Variants in GALNT11 observed in about 807,000 individuals in gnomAD.
GALNT11 encodes the protein UDP-GalNAc:polypeptide N-acetylgalactosaminyltransferase 11.
A neutral mutation model predicts 72.7 loss-of-function variants in GALNT11; 47 were observed. That is an observed-to-expected ratio of 0.65 (90% confidence interval 0.51 to 0.82). GALNT11 has a LOEUF of 0.82. Among genes scored for constraint, GALNT11 ranks in the 40% least tolerant of loss-of-function variants. The pLI is 0.00. For synonymous variants in GALNT11, 270 were observed against 286.6 expected (o/e 0.94, Z 0.58); for missense variants, 677 against 778.4 (o/e 0.87, Z 1.55).
rs373231104 is a variant in GALNT11, at chr7:152,092,199, G to A, written c.-38-1991G>A. ...TACTTGCTCTTTGTCTACCCTAAGCGAACATTTTAGGGAGTTATAATGTCT... is the reference window on the plus strand; with the variant it reads ...TACTTGCTCTTTGTCTACCCTAAGCAAACATTTTAGGGAGTTATAATGTCT... On this transcript the variant is annotated intron_variant, in intron 1 of 11. Coordinates refer to ENST00000430044, the MANE Select transcript of GALNT11 (RefSeq NM_022087.4). Among the ~76,000 whole-genome samples the A allele has an allele frequency of 3.9e-5, 6 of 152,260 alleles. No homozygotes were observed. The East Asian group carries it at 1.2e-3, about 29-fold the overall frequency.
intron 1 of GALNT11, among the ~76,000 whole-genome samples, chr7:152,041,652 C>T (rs1348302051): frequency 1.3e-5 from 2 of 152,204 alleles, no homozygotes; most frequent in African/African-American, 2.4e-5. Flanking sequence ...GCTTTTCAAT[C>T]AGCTGTAACT....
chr7:152,067,330 C>T (rs1219097689), intron 1 of GALNT11, among the ~76,000 whole-genome samples: 1 of 152,166 alleles, frequency 6.6e-6, no homozygotes, highest in Non-Finnish European at 1.5e-5. Flanking sequence ...GGAAGAAAGT[C>T]CATGTGCACA....
At chr7:152,056,270 G>A (rs1256614347) in intron 1 of GALNT11, among the ~76,000 whole-genome samples, 2 of 152,196 alleles carry the variant, frequency 1.3e-5, no homozygotes, top group Non-Finnish European at 2.9e-5. Flanking sequence ...TGTTTTTGAG[G>A]ACTGTTCTGT....
At chr7:152,097,290 AAT>A (rs2086451931) in intron 2 of GALNT11, among the ~76,000 whole-genome samples, 1 of 152,268 alleles carries the variant, frequency 6.6e-6, no homozygotes, top group African/African-American at 2.4e-5. Flanking sequence ...AAATCAAAAC[AAT>A]GAGATAGCCA....
intron 1 of GALNT11, among the ~76,000 whole-genome samples, chr7:152,084,840 T>G (rs2085543860): frequency 6.6e-6 from 1 of 152,194 alleles, no homozygotes; most frequent in Non-Finnish European, 1.5e-5. Flanking sequence ...CTCAGGGGGC[T>G]TGTTTATGGT....
intron 1 of GALNT11, among the ~76,000 whole-genome samples, chr7:152,038,553 G>A (rs542297194): frequency 2.0e-5 from 3 of 152,358 alleles, no homozygotes; most frequent in East Asian, 3.9e-4. Flanking sequence ...GTGCTGCAGA[G>A]ATTTTGTTTA....
At chr7:152,031,245 C>T (rs973817041) in intron 1 of GALNT11, among the ~76,000 whole-genome samples, 2 of 152,162 alleles carry the variant, frequency 1.3e-5, no homozygotes, top group African/African-American at 2.4e-5. Context: ...CACAAATGAA[C>T]TTCTGTTGGT....
At chr7:152,039,601 G>A (rs1006964446) in intron 1 of GALNT11, among the ~76,000 whole-genome samples, 1 of 150,584 alleles carries the variant, frequency 6.6e-6, no homozygotes. Context: ...GTGTTCGATG[G>A]GTGTTGCTCA....
intron 7 of GALNT11, among the ~76,000 whole-genome samples, chr7:152,111,186 G>A (rs553668105): frequency 9.2e-5 from 14 of 151,908 alleles, no homozygotes; most frequent in East Asian, 7.8e-4. Flanking sequence ...GTCTTGCTCC[G>A]CTGCCCAGGT....
intron 1 of GALNT11, among the ~76,000 whole-genome samples, chr7:152,072,964 C>A (rs1404787271): frequency 1.3e-5 from 2 of 152,154 alleles, no homozygotes; most frequent in Non-Finnish European, 2.9e-5. Context: ...GGGGAATAAG[C>A]ATTTATTTCC....
intron 8 of GALNT11, among the ~76,000 whole-genome samples, chr7:152,116,494 C>T (rs891778686): frequency 2.0e-5 from 3 of 152,298 alleles, no homozygotes; most frequent in Non-Finnish European, 1.5e-5. Context: ...CTGCCTTGGC[C>T]TCCCAAAGTG....
chr7:152,109,651 T>C (rs1468810220), intron 6 of GALNT11, among the ~76,000 whole-genome samples: 2 of 152,258 alleles, frequency 1.3e-5, no homozygotes, highest in Non-Finnish European at 2.9e-5. Context: ...CATGTGATTT[T>C]ATCTTCCCAT....
intron 1 of GALNT11, among the ~76,000 whole-genome samples, chr7:152,054,503 CTTTTTTT>C (rs1037895401): frequency 1.4e-5 from 1 of 72,086 alleles, no homozygotes; most frequent in South Asian, 4.7e-4. Flanking sequence ...TTTTTCTTGT[CTTTTTTT>C]TTTTTTTTTT....
intron 7 of GALNT11, among the ~76,000 whole-genome samples, chr7:152,112,889 AAAATAAAT>A (rs966988686): frequency 6.6e-6 from 1 of 152,074 alleles, no homozygotes; most frequent in African/African-American, 2.4e-5. Context: ...TTCTTAAAAG[AAAATAAAT>A]AAATAAATAA....
intron 1 of GALNT11, among the ~76,000 whole-genome samples, chr7:152,033,245 A>G (rs898537509): frequency 2.0e-5 from 3 of 152,150 alleles, no homozygotes; most frequent in African/African-American, 4.8e-5. Flanking sequence ...TCGTTGGACA[A>G]TCTTTTTTAA....
At chr7:152,116,851 TTAA>T (rs1302462180) in intron 8 of GALNT11, 2 of 519,090 alleles carry the variant, frequency 3.9e-6, no homozygotes, top group Admixed American at 2.3e-5. Context: ...TTTTAAGGAA[TTAA>T]TAATTTGTAG....
In GALNT11 at chr7:152,117,303, C is replaced by T; in HGVS notation, c.1380C>T (p.Ser460=). ...ACCCAGAGATGCAGATATCTGGGTC[C>T]CACGCCAAACCCCAACAACCCATTT... The part of the protein sequence containing the change: ...NVYPEMQISG[S]HAKPQQPIFV... Residue 460 remains serine, a synonymous_variant, in exon 9 of 12, where the codon TCC becomes TCT. Coordinates refer to ENST00000430044, the MANE Select transcript of GALNT11 (RefSeq NM_022087.4). 1.2e-6 allele frequency: 2 copies of T among 1,614,064 alleles called. No individual in the cohort carries two copies. The highest frequency in any genetic ancestry group is 1.7e-6 in the Non-Finnish European group (2 of 1,180,028).
intron 1 of GALNT11, among the ~76,000 whole-genome samples, chr7:152,083,264 AT>A (rs2129023672): frequency 6.6e-6 from 1 of 152,180 alleles, no homozygotes; most frequent in South Asian, 2.1e-4. Context: ...TAATAGAGGA[AT>A]TTACTCATAT....
At chr7:152,046,779 C>T (rs2083148274) in intron 1 of GALNT11, among the ~76,000 whole-genome samples, 1 of 152,084 alleles carries the variant, frequency 6.6e-6, no homozygotes, top group Admixed American at 6.6e-5. Flanking sequence ...GGAGTTAGTC[C>T]ATTTACATTC....
Sources: gnomAD v4.1 joint callset for allele counts (sites outside exome capture counted in the v4.1 genomes callset) on GRCh38, gnomAD v4.1.1 for gene constraint, MANE v1.5 for transcripts, NCBI Gene and HGNC (gene_info 2026-07-23, HGNC 2026-07-21) for gene names.